CFAP52: variants seen among roughly 807,000 people sequenced by gnomAD.
CFAP52 encodes cilia and flagella associated protein 52.
Under a neutral mutation model 70.5 loss-of-function variants are expected in CFAP52, and 57 were observed. The ratio of observed to expected loss-of-function variants is 0.81; its 90% CI spans 0.65 to 1.01. CFAP52 has a LOEUF of 1.01. Among genes scored for constraint, CFAP52 ranks in the 50% least tolerant of loss-of-function variants. The probability of loss-of-function intolerance (pLI) is 0.00; values close to 1 mark genes in which losing one functional copy is unlikely to be tolerated. For synonymous variants in CFAP52, 267 were observed against 292.5 expected (o/e 0.91, Z 0.89); for missense variants, 785 against 788.5 (o/e 1.00, Z 0.05).
rs767997507 is a variant in CFAP52 at position 9,632,901 on chromosome 17, T to TA, written c.1192dup (p.Ile398AsnfsTer16). On this transcript the variant is annotated frameshift_variant, in exon 10 of 14. Transcript: ENST00000352665. LOFTEE classifies it high-confidence loss of function. ...CTTTCATGCCAGCATGGAACGACGG[T>TA]AAAATCCGAGCCTTCGCCCCAGAGA... The TA allele has an allele frequency of 6.2e-7, 1 of 1,614,088 alleles. No individual in the cohort carries two copies. The highest frequency in any genetic ancestry group is 2.2e-5 in the East Asian group (1 of 44,866).
intron 3 of CFAP52, among the ~76,000 whole-genome samples, chr17:9,589,301 T>G (rs1908637049): frequency 6.6e-6 from 1 of 152,198 alleles, no homozygotes; most frequent in South Asian, 2.1e-4. Context: ...AAATTTATAT[T>G]TGTGTATAGT....
intron 10 of CFAP52, among the ~76,000 whole-genome samples, chr17:9,633,998 C>T (rs915549957): frequency 2.0e-5 from 3 of 152,118 alleles, no homozygotes; most frequent in African/African-American, 7.2e-5. Context: ...TCTTTTAAAG[C>T]AGGTGATGGT....
intron 3 of CFAP52, among the ~76,000 whole-genome samples, chr17:9,588,117 A>G (rs1908577548): frequency 6.6e-6 from 1 of 152,216 alleles, no homozygotes; most frequent in Non-Finnish European, 1.5e-5. Flanking sequence ...AGGATAGGCC[A>G]AGGTAGGATG....
At chr17:9,612,790 C>T (rs190842429) in intron 8 of CFAP52, among the ~76,000 whole-genome samples, 15 of 150,018 alleles carry the variant, frequency 1.0e-4, no homozygotes, top group Admixed American at 8.6e-4. Flanking sequence ...CAGACAGTCC[C>T]TGACTTATGA....
At position 9,631,096 on chromosome 17, in the gene CFAP52, GA is replaced by G. The variant is rs1567635077; in HGVS notation, c.1175-1791del. Among the ~76,000 whole-genome samples, 157 of 146,582 alleles carry G rather than the reference GA, an allele frequency of 1.1e-3. 9 individuals carry two copies. The highest frequency in any genetic ancestry group is 3.9e-3 in the African/African-American group (151 of 38,958). The stretch of plus-strand genomic sequence containing the variant: ...AAAGAAAGAAAGAGAAAGAAAGAAA[GA>G]GAAAGAAAGAACATAAGTCAGAATT... On this transcript the variant is annotated intron_variant, in intron 9 of 13. Transcript: ENST00000352665.
downstream of CFAP52, chr17:9,645,542 C>T (rs1911305427): frequency 1.8e-6 from 2 of 1,120,452 alleles, no homozygotes; most frequent in East Asian, 4.4e-5. This position sits in a 1 kb window ranked among gnomAD's most constrained non-coding sequence, Gnocchi z 6.8. Flanking sequence ...GTAGCCGGCA[C>T]CAGGAGCCTT....
At position 9,638,611 on chromosome 17, in the gene CFAP52, G is replaced by C. The variant is rs764423806; in HGVS notation, c.1475G>C (p.Arg492Pro). 4 of 1,613,758 alleles carry C rather than the reference G, an allele frequency of 2.5e-6. No individual in the cohort carries two copies. In the African/African-American group the frequency reaches 5.3e-5, roughly 22 times the overall value. The change falls in exon 12 of 14, where the codon CGT becomes CCT. Residue 492 changes from arginine to proline, a missense_variant and splice_region_variant. By Grantham distance (103) the Arg-to-Pro change is moderately radical. Transcript: ENST00000352665. ...CAGCTTTTGAATCTACTTTCCAGGC[G>C]TCTCAGGAGGAATCAGATGATACTA... is the stretch of plus-strand genomic sequence containing the variant. ...DGTCIIWDLVRLRRNQMILAN... is the reference protein window; with the variant it reads ...DGTCIIWDLVPLRRNQMILAN...
intron 6 of CFAP52, among the ~76,000 whole-genome samples, chr17:9,605,326 A>G (rs958415972): frequency 1.3e-5 from 2 of 152,224 alleles, no homozygotes. Context: ...ACTGAGATGC[A>G]CATTACTGAG....
Position 9,584,377 on chromosome 17 carries a change from C to A in CFAP52, c.71-1396C>A, listed in dbSNP as rs187903909. 2,338 of 1,274,958 alleles carry A rather than the reference C, an allele frequency of 1.8e-3. 5 individuals are homozygous for A. Among genetic ancestry groups the A allele is most frequent in the Middle Eastern group, 6.9e-3 (32 of 4,606 alleles). 79.0% of individuals were successfully genotyped at this position (1,274,958 alleles called of 1,614,324 possible). On this transcript the variant is annotated intron_variant, in intron 1 of 13. Transcript: ENST00000352665. ...CAGGCTCTTCAGAGCACCTGGTGGG[C>A]ACTCAGAACTGAAACCGAAAGTTAA...
intron 8 of CFAP52, among the ~76,000 whole-genome samples, chr17:9,616,010 T>C (rs1337665067): frequency 6.6e-6 from 1 of 151,464 alleles, no homozygotes; most frequent in African/African-American, 2.4e-5. Context: ...GATGGCCGAA[T>C]AGGAACAGCT....
chr17:9,630,651 G>C (rs181936649), intron 9 of CFAP52, among the ~76,000 whole-genome samples: 2,312 of 150,180 alleles, frequency 0.015, 67 homozygotes, highest in African/African-American at 0.053. Flanking sequence ...AGGATGGTCT[G>C]GATCTCCTGA....
At chr17:9,642,072 ACTTAGATTG>A (rs1308305478) in intron 13 of CFAP52, among the ~76,000 whole-genome samples, 1 of 152,158 alleles carries the variant, frequency 6.6e-6, no homozygotes, top group African/African-American at 2.4e-5. Flanking sequence ...AAAAGCCAAG[ACTTAGATTG>A]CTAGGCTTGC....
At position 9,590,102 on chromosome 17, in the gene CFAP52, T is replaced by A. The variant is rs80270466; in HGVS notation, c.407+3268T>A. 85 of 202,266 alleles carry A rather than the reference T, an allele frequency of 4.2e-4. No homozygotes were observed. In the East Asian group the frequency reaches 7.5e-3, roughly 18 times the overall value. The allele number at this position is 202,266 out of a possible 1,614,324, so 12.5% of individuals were successfully genotyped here. On this transcript the variant is annotated intron_variant, in intron 3 of 13. Transcript: ENST00000352665. The stretch of plus-strand genomic sequence containing the variant: ...GAATCCAGTTGTTTTTTGAATACAT[T>A]CCCCTCCACCTTCAGGTACAAGCTG...
chr17:9,638,298 T>G (rs1042684012), intron 11 of CFAP52, among the ~76,000 whole-genome samples: 1 of 152,222 alleles, frequency 6.6e-6, no homozygotes, highest in Non-Finnish European at 1.5e-5. Flanking sequence ...GTTCAGCCTC[T>G]TCTGCTTCTT....
At chr17:9,600,209 C>A in intron 6 of CFAP52, 26 bp downstream of exon 6, 1 of 1,588,958 alleles carries the variant, frequency 6.3e-7, no homozygotes, top group Non-Finnish European at 8.6e-7. Flanking sequence ...CGCCACTGCC[C>A]TGCCATTTTT....
chr17:9,592,811 C>G (rs1411139022), intron 3 of CFAP52, among the ~76,000 whole-genome samples: 1 of 152,150 alleles, frequency 6.6e-6, no homozygotes, highest in Non-Finnish European at 1.5e-5. Context: ...TTAATAATGG[C>G]GCTATGAACA....
chr17:9,634,718 C>T (rs113651658), intron 10 of CFAP52, among the ~76,000 whole-genome samples: 1,987 of 152,236 alleles, frequency 0.013, 41 homozygotes, highest in African/African-American at 0.044. Context: ...GAGCCGAGAT[C>T]GCGCCATTGC....
chr17:9,640,943 T>A (rs1911028164), intron 12 of CFAP52, among the ~76,000 whole-genome samples: 1 of 152,226 alleles, frequency 6.6e-6, no homozygotes, highest in South Asian at 2.1e-4. Flanking sequence ...TGCACCCAGC[T>A]GGCCGTATCG....
intron 2 of CFAP52, 133 bp from the exon 3 acceptor site, chr17:9,586,565 C>T: frequency 9.7e-7 from 1 of 1,026,750 alleles, no homozygotes. Flanking sequence ...GACTCCGTCT[C>T]AACAAAAAAA....
Sources: gnomAD v4.1 joint callset for allele counts (sites outside exome capture counted in the v4.1 genomes callset) on GRCh38, gnomAD v4.1.1 for gene constraint, Gnocchi (gnomAD v3.1) non-coding constraint, MANE v1.5 for transcripts, NCBI Gene and HGNC (gene_info 2026-07-23, HGNC 2026-07-21) for gene names.